The following ARMC2 variants were observed in gnomAD, a reference collection of about 807,000 sequenced individuals.
ARMC2 encodes the protein armadillo repeat containing 2, also known as armadillo repeat-containing protein 2.
A neutral mutation model predicts 90.3 loss-of-function variants in ARMC2; 67 were observed. The observed-to-expected ratio is 0.74, with a 90% CI of 0.61 to 0.91. The LOEUF (loss-of-function observed/expected upper bound fraction) is 0.91, where lower values mean the gene tolerates loss of function less well. Among genes scored for constraint, ARMC2 ranks in the 40% least tolerant of loss-of-function variants. The probability of loss-of-function intolerance (pLI) is 0.00; values close to 1 mark genes in which losing one functional copy is unlikely to be tolerated. For synonymous variants in ARMC2, 393 were observed against 393.0 expected, an observed-to-expected ratio of 1.00 and a Z score of 0.00; for missense variants, 920 against 1,030.9, an observed-to-expected ratio of 0.89 and a Z score of 1.47.
At chr6:108,947,742 T>C (rs1476240831) in intron 12 of ARMC2, among the ~76,000 whole-genome samples, 2 of 152,168 alleles carry the variant, frequency 1.3e-5, no homozygotes, top group Non-Finnish European at 2.9e-5. Flanking sequence ...TAAGCTCTGG[T>C]TGGCCGTAGC....
chr6:109,006,674 G>GT, the ARMC2 span, among the ~76,000 whole-genome samples: 1 of 152,086 alleles, frequency 6.6e-6, no homozygotes, highest in African/African-American at 2.4e-5. Context: ...AGATACCACT[G>GT]TTATTATACA....
the ARMC2 span, among the ~76,000 whole-genome samples, chr6:109,022,664 T>C: frequency 6.6e-6 from 1 of 151,980 alleles, no homozygotes; most frequent in Non-Finnish European, 1.5e-5. Context: ...TCTGTCCGCC[T>C]CGGCCTCCCA....
At chr6:109,011,511 G>C in the ARMC2 span, among the ~76,000 whole-genome samples, 1 of 151,952 alleles carries the variant, frequency 6.6e-6, no homozygotes, top group Non-Finnish European at 1.5e-5. Context: ...CTAATTTCTT[G>C]TTCTCTGCTA....
chr6:108,971,767 A>G (rs1030264593), intron 17 of ARMC2, among the ~76,000 whole-genome samples: 3 of 151,972 alleles, frequency 2.0e-5, no homozygotes, highest in Admixed American at 2.0e-4. Context: ...ACTAAAAAGA[A>G]AAAATTAGCT....
chr6:108,956,946 C>T (rs573707458), intron 13 of ARMC2, among the ~76,000 whole-genome samples: 18 of 152,320 alleles, frequency 1.2e-4, no homozygotes, highest in African/African-American at 3.1e-4. Context: ...GAGCCAAGAT[C>T]GTACTGTTGC....
the ARMC2 span, among the ~76,000 whole-genome samples, chr6:108,980,479 A>C: frequency 6.9e-6 from 1 of 144,328 alleles, no homozygotes; most frequent in Non-Finnish European, 1.6e-5. Flanking sequence ...CCAGGGAACC[A>C]CTTGAGGAGG....
chr6:109,020,183 T>A, the ARMC2 span, among the ~76,000 whole-genome samples: 2 of 152,138 alleles, frequency 1.3e-5, no homozygotes, highest in Non-Finnish European at 2.9e-5. Flanking sequence ...AAGCTTCTTC[T>A]TTTTTTCTTT....
chr6:108,911,026 T>A, intron 9 of ARMC2, 25 bp downstream of exon 9: 2 of 1,369,552 alleles, frequency 1.5e-6, no homozygotes, highest in African/African-American at 1.4e-5. Context: ...GTGCTACTAT[T>A]GAGCAAATGC....
At chr6:108,941,818 A>G (rs1192406969) in intron 12 of ARMC2, among the ~76,000 whole-genome samples, 1 of 152,188 alleles carries the variant, frequency 6.6e-6, no homozygotes, top group Non-Finnish European at 1.5e-5. Context: ...CATGTTTTTA[A>G]CTTTTAAAAA....
chr6:108,907,435 ATG>A (rs2128467451), intron 8 of ARMC2, among the ~76,000 whole-genome samples: 1 of 150,242 alleles, frequency 6.7e-6, no homozygotes, highest in African/African-American at 2.4e-5. Flanking sequence ...CAATATAGAA[ATG>A]TTCTTCTGTT....
At chr6:108,989,026 G>A in the ARMC2 span, among the ~76,000 whole-genome samples, 8 of 152,062 alleles carry the variant, frequency 5.3e-5, no homozygotes, top group East Asian at 3.9e-4. Flanking sequence ...TTATTGAGAC[G>A]GAGTCTTGCC....
At chr6:109,047,957 C>T in the ARMC2 span, among the ~76,000 whole-genome samples, 9 of 146,926 alleles carry the variant, frequency 6.1e-5, no homozygotes, top group Admixed American at 2.7e-4. Flanking sequence ...ACAAACACTG[C>T]GGAAGGCCAC....
chr6:108,882,840 C>T (rs1210830265), intron 5 of ARMC2, among the ~76,000 whole-genome samples: 1 of 152,142 alleles, frequency 6.6e-6, no homozygotes, highest in Non-Finnish European at 1.5e-5. Context: ...ATATTCACAA[C>T]AACTCATGAA....
chr6:108,849,768 C>T lies in ARMC2; in HGVS notation c.-44+1222C>T, dbSNP rs1773818952. On this transcript the variant is annotated intron_variant, in intron 1 of 17. Transcript: ENST00000392644. ...ATATCATTTAATTCTTCAAACAATCCTATGGGGCAATTATTATTACTATCC... is the reference window on the plus strand; with the variant it reads ...ATATCATTTAATTCTTCAAACAATCTTATGGGGCAATTATTATTACTATCC... Among the ~76,000 whole-genome samples the T allele has an allele frequency of 2.0e-5, 3 of 152,196 alleles. No homozygotes were observed. The South Asian group carries it at 6.2e-4, about 31-fold the overall frequency.
At chr6:109,037,479 T>C in the ARMC2 span, among the ~76,000 whole-genome samples, 1 of 152,156 alleles carries the variant, frequency 6.6e-6, no homozygotes, top group Non-Finnish European at 1.5e-5. Context: ...ATTCCCTCCA[T>C]TACACAATGC....
chr6:109,034,056 A>G, the ARMC2 span, among the ~76,000 whole-genome samples: 1 of 152,202 alleles, frequency 6.6e-6, no homozygotes, highest in Non-Finnish European at 1.5e-5. Context: ...ATTACATGAA[A>G]TCATGCACAG....
rs532102073 is a variant in ARMC2 at position 108,959,201 on chromosome 6, A to G, written c.1916-2371A>G. Among the ~76,000 whole-genome samples the G allele has an allele frequency of 3.3e-5, 5 of 152,290 alleles. No homozygotes were observed. In the South Asian group the frequency reaches 8.3e-4, roughly 25 times the overall value. ...GCGGGAGGGGCCACTGGCGGAAGGA[A>G]CAGTGTATGTCTTCTGCAGCCTACA... On this transcript the variant is annotated intron_variant, in intron 13 of 17. Coordinates refer to ENST00000392644, the MANE Select transcript of ARMC2 (RefSeq NM_032131.6).
chr6:108,919,350 C>T (rs1026172604), intron 10 of ARMC2, among the ~76,000 whole-genome samples: 7 of 152,038 alleles, frequency 4.6e-5, no homozygotes, highest in African/African-American at 9.7e-5. Context: ...CTTTATCTTG[C>T]GCGACCCCAC....
the ARMC2 span, among the ~76,000 whole-genome samples, chr6:109,027,831 A>G: frequency 6.6e-6 from 1 of 152,144 alleles, no homozygotes; most frequent in East Asian, 1.9e-4. Context: ...GATACTGAAC[A>G]TGTTTTAATG....
Sources: gnomAD v4.1 joint callset for allele counts (sites outside exome capture counted in the v4.1 genomes callset) on GRCh38, gnomAD v4.1.1 for gene constraint, MANE v1.5 for transcripts, NCBI Gene and HGNC (gene_info 2026-07-23, HGNC 2026-07-21) for gene names.